ECM2: variants seen among roughly 807,000 people sequenced by gnomAD.
ECM2 encodes the protein extracellular matrix protein 2, female organ and adipocyte specific.
In ECM2, 57 loss-of-function variants were observed where a neutral mutation model predicts 67.5. That is an observed-to-expected ratio of 0.84 (90% CI 0.68 to 1.05). ECM2 has a LOEUF of 1.05. Ranked by LOEUF, ECM2 falls within the 50% of genes least tolerant of loss-of-function variation. ECM2 has a pLI of 0.00. For missense variants in ECM2, 741 were observed against 822.8 expected (o/e 0.90, Z 1.22); for synonymous variants, 258 against 294.5 (o/e 0.88, Z 1.27).
upstream of ECM2, among the ~76,000 whole-genome samples, chr9:92,537,370 T>C (rs1382896556): frequency 1.3e-5 from 2 of 152,076 alleles, no homozygotes; most frequent in Non-Finnish European, 2.9e-5. Flanking sequence ...TTTTTAAAAA[T>C]GTAAAACTAG....
the ECM2 span, among the ~76,000 whole-genome samples, chr9:92,555,636 G>A: frequency 2.6e-5 from 4 of 151,990 alleles, no homozygotes; most frequent in African/African-American, 9.7e-5. Context: ...ATTTTTCCAG[G>A]AACTTATTCA....
chr9:92,525,735 A>G (rs10992359), intron 1 of ECM2, among the ~76,000 whole-genome samples: 37,051 of 151,730 alleles, frequency 0.24, 6,285 homozygotes, highest in African/African-American at 0.48. Context: ...TACTAAAAAT[A>G]TAAAATTAGC....
At chr9:92,501,662 C>T (rs772363163) in intron 8 of ECM2, among the ~76,000 whole-genome samples, 5 of 152,180 alleles carry the variant, frequency 3.3e-5, no homozygotes, top group South Asian at 2.1e-4. Flanking sequence ...TTCTGCCCCA[C>T]GCCCTCTTTT....
rs752235177 is a variant in ECM2, at chr9:92,532,028, TATTTTA to T, written c.-28+3899_-28+3904del. Among the ~76,000 whole-genome samples the T allele has an allele frequency of 1.0e-3, 136 of 129,672 alleles. 10 individuals are homozygous for T. The highest frequency in any genetic ancestry group is 3.9e-3 in the Middle Eastern group (1 of 254). The allele number at this position is 129,672 out of a possible 152,430, so 85.1% of individuals were successfully genotyped here. A position where few individuals can be genotyped will look rare whatever the true frequency, so the allele number is the denominator to read the frequency against. ...TTTTTATTTAATGTTTTTTTTTTTT[TATTTTA>T]TTTTTTTTTTGAGATGAGGTCTCAC... On this transcript the variant is annotated intron_variant, in intron 1 of 9. Coordinates refer to ENST00000344604, the MANE Select transcript of ECM2 (RefSeq NM_001393.4).
chr9:92,522,777 C>T lies in ECM2; in HGVS notation c.90G>A (p.Arg30=), dbSNP rs746827775. The part of the protein sequence containing the change: ...GKNEEIPRKQ[R]RKIYHRRLRK... ...TCAACCTTCTGTGGTAGATCTTCCTCCTTTGCTTCCTAGGAATTTCTTCAT... is the reference window on the plus strand; with the variant it reads ...TCAACCTTCTGTGGTAGATCTTCCTTCTTTGCTTCCTAGGAATTTCTTCAT... Residue 30 remains arginine (R), a synonymous_variant, in exon 2 of 10, where the codon AGG becomes AGA. Coordinates refer to ENST00000344604, the MANE Select transcript of ECM2 (RefSeq NM_001393.4). 1 of 1,613,900 alleles carries T rather than the reference C, an allele frequency of 6.2e-7. No individual in the cohort carries two copies. Among genetic ancestry groups the T allele is most frequent in the Non-Finnish European group, 8.5e-7 (1 of 1,179,984 alleles).
chr9:92,500,635 T>A, intron 9 of ECM2, 92 bp downstream of exon 9: 1 of 1,329,794 alleles, frequency 7.5e-7, no homozygotes, highest in Non-Finnish European at 1.0e-6. Context: ...TTTTTTCCCT[T>A]AACGTAAATC....
chr9:92,550,701 G>T, the ECM2 span, among the ~76,000 whole-genome samples: 1 of 152,134 alleles, frequency 6.6e-6, no homozygotes, highest in African/African-American at 2.4e-5. Flanking sequence ...TATTCTAAAT[G>T]TGTAAAAGTT....
chr9:92,505,561 A>G lies in ECM2; in HGVS notation c.1436T>C (p.Ile479Thr). ...LRLGKNKFRI[I>T]PQGLPGSIEE... The stretch of plus-strand genomic sequence containing the variant: ...AATAGAACCAGGAAGACCCTGCGGT[A>G]TAATTCTAAATTTATTTTTTCCCAG... The change falls in exon 7 of 10, where the codon ATA (isoleucine) becomes ACA (threonine). Residue 479 changes from isoleucine to threonine, a missense_variant. Ile to Thr is a moderately conservative substitution (Grantham distance 89, BLOSUM62 -1). Transcript: ENST00000344604. The G allele has an allele frequency of 6.2e-7, 1 of 1,605,542 alleles. No individual in the cohort carries two copies. Among genetic ancestry groups the G allele is most frequent in the Non-Finnish European group, 8.5e-7 (1 of 1,177,976 alleles).
chr9:92,501,153 A>T lies in ECM2; in HGVS notation c.1605-100T>A. 2.5e-6 allele frequency: 3 copies of T among 1,201,372 alleles called. No individual in the cohort carries two copies. In the Admixed American group the frequency reaches 7.3e-5, roughly 29 times the overall value. The allele number at this position is 1,201,372 out of a possible 1,614,324, so 74.4% of individuals were successfully genotyped here. On this transcript the variant is annotated intron_variant, in intron 8 of 9. Coordinates refer to ENST00000344604, the MANE Select transcript of ECM2 (RefSeq NM_001393.4). ...AGTCTCGATGCTGGTCCATTTTCCT[A>T]TAAGCACCCAGTTTGTAGTGATGAT...
intron 1 of ECM2, among the ~76,000 whole-genome samples, chr9:92,523,559 G>A (rs1306431098): frequency 2.6e-5 from 4 of 152,202 alleles, no homozygotes; most frequent in Non-Finnish European, 5.9e-5. Flanking sequence ...GTCTCCACAC[G>A]ATTTATTGAG....
rs41278707 is a variant in ECM2 at position 92,510,015 on chromosome 9, C to G, written c.1190G>C (p.Arg397Pro). Residue 397 changes from arginine to proline, a missense_variant, in exon 6 of 10, where the codon CGT becomes CCT. Arg to Pro is a moderately radical substitution (Grantham distance 103). Coordinates refer to ENST00000344604, the MANE Select transcript of ECM2 (RefSeq NM_001393.4). ...CAAATTATTTCCATCCATATTCAAA[C>G]GCATTAACTTCTTCAGAAGCTTAAA... ...KAFKLLKKLM[R>P]LNMDGNNLIQ... 1.2e-6 allele frequency: 2 copies of G among 1,601,214 alleles called. No individual in the cohort carries two copies. The highest frequency in any genetic ancestry group is 3.6e-5 in the Admixed American group (2 of 55,342).
chr9:92,540,406 C>T (rs1849289642), upstream of ECM2, among the ~76,000 whole-genome samples: 1 of 150,220 alleles, frequency 6.7e-6, no homozygotes, highest in Non-Finnish European at 1.5e-5. Flanking sequence ...CCACTGCACT[C>T]CAGCCTGGAC....
chr9:92,532,276 T>G (rs1848846978), intron 1 of ECM2, among the ~76,000 whole-genome samples: 1 of 152,024 alleles, frequency 6.6e-6, no homozygotes, highest in South Asian at 2.1e-4. Context: ...TTTTAAGATG[T>G]TCTCATTGTC....
intron 6 of ECM2, among the ~76,000 whole-genome samples, chr9:92,509,146 G>A (rs1041213930): frequency 1.3e-5 from 2 of 151,792 alleles, no homozygotes; most frequent in Non-Finnish European, 2.9e-5. Context: ...AGAACATGGG[G>A]CACGCTCACT....
At chr9:92,548,956 CA>C in the ECM2 span, among the ~76,000 whole-genome samples, 1 of 152,126 alleles carries the variant, frequency 6.6e-6, no homozygotes, top group Non-Finnish European at 1.5e-5. Flanking sequence ...TGAAGAAGAA[CA>C]AGGCTATAAG....
At chr9:92,545,220 G>A in the ECM2 span, among the ~76,000 whole-genome samples, 2,176 of 152,058 alleles carry the variant, frequency 0.014, 28 homozygotes, top group Non-Finnish European at 0.022. Flanking sequence ...GAGCCGGCTC[G>A]GACCTGGGAT....
At chr9:92,543,801 G>A in the ECM2 span, among the ~76,000 whole-genome samples, 15 of 152,034 alleles carry the variant, frequency 9.9e-5, no homozygotes, top group Admixed American at 9.2e-4. Flanking sequence ...TTGTTATTAC[G>A]TATCTATTGT....
At chr9:92,546,447 C>T in the ECM2 span, among the ~76,000 whole-genome samples, 9 of 152,220 alleles carry the variant, frequency 5.9e-5, no homozygotes, top group East Asian at 1.9e-4. Context: ...GGGGGAAGAT[C>T]TGCAGCTTCG....
At chr9:92,538,416 A>C (rs183548354), upstream of ECM2, among the ~76,000 whole-genome samples, 444 of 152,342 alleles carry the variant, frequency 2.9e-3, 1 homozygote, top group Non-Finnish European at 4.9e-3. Context: ...AATTACAGCG[A>C]GACTTTTACT....
Sources: allele counts gnomAD v4.1 joint callset (sites outside exome capture counted in the v4.1 genomes callset), GRCh38; gene constraint gnomAD v4.1.1; transcripts MANE v1.5; gene names NCBI Gene and HGNC (gene_info 2026-07-23, HGNC 2026-07-21).